The following CTBS variants were observed in gnomAD, a reference collection of about 807,000 sequenced individuals.
The protein encoded by CTBS is chitobiase, also known as di-N-acetylchitobiase.
A neutral mutation model predicts 44.3 loss-of-function variants in CTBS; 35 were observed. That is an observed-to-expected ratio of 0.79 (90% CI 0.60 to 1.05). The LOEUF (loss-of-function observed/expected upper bound fraction) is 1.05, where lower values mean the gene tolerates loss of function less well. Ranked by LOEUF, CTBS falls within the 50% of genes least tolerant of loss-of-function variation. The pLI, the probability that CTBS is intolerant of heterozygous loss-of-function variation, is 0.00. For missense variants in CTBS, 458 were observed against 475.3 expected (o/e 0.96, Z 0.34); for synonymous variants, 143 against 168.0 (o/e 0.85, Z 1.15).
rs887983059 is a variant in CTBS at position 84,551,070 on chromosome 1, G to A, written c.*3929C>T. 1 of 985,066 alleles carries A rather than the reference G, an allele frequency of 1.0e-6. No homozygotes were observed. The highest frequency in any genetic ancestry group is 1.1e-4 in the East Asian group (1 of 8,810). 61.0% of individuals were successfully genotyped at this position (985,066 alleles called of 1,614,324 possible). On this transcript the variant is annotated 3_prime_UTR_variant, in exon 7 of 7. Coordinates refer to ENST00000370630, the MANE Select transcript of CTBS (RefSeq NM_004388.3). ...AGCAGATGCTTAGTAGAGGCTTCTG[G>A]GCATGCTCTATTTGGTGAGAATTGT...
In CTBS at chr1:84,570,786, G is replaced by A. The variant is rs533718524; in HGVS notation, c.178-66C>T. ...TATTATGCTGACCGTCCAAAATACC[G>A]TTCATCAAACATCACCATACACCAA... On this transcript the variant is annotated intron_variant, in intron 1 of 6. Transcript: ENST00000370630. 107 of 1,502,210 alleles carry A rather than the reference G, an allele frequency of 7.1e-5. 1 individual carries two copies. In the South Asian group the frequency reaches 8.7e-4, roughly 12 times the overall value. 93.1% of individuals were successfully genotyped at this position (1,502,210 alleles called of 1,614,324 possible).
intron 6 of CTBS, among the ~76,000 whole-genome samples, chr1:84,558,020 G>A (rs3096444): frequency 0.018 from 2,735 of 152,228 alleles, 74 homozygotes; most frequent in African/African-American, 0.061. Context: ...GAGGCTGGGG[G>A]TGGGAAGAAT....
intron 3 of CTBS, among the ~76,000 whole-genome samples, chr1:84,568,122 T>C (rs922481749): frequency 1.5e-4 from 23 of 152,216 alleles, no homozygotes; most frequent in African/African-American, 5.3e-4. Context: ...GAACTTGACA[T>C]GTAGCCCAAA....
chr1:84,568,540 ACT>A (rs1166911582), intron 3 of CTBS, among the ~76,000 whole-genome samples: 7 of 152,156 alleles, frequency 4.6e-5, no homozygotes, highest in African/African-American at 1.7e-4. Flanking sequence ...ATGATGACCA[ACT>A]CTACCAGAAT....
rs757146444 is a variant in CTBS at position 84,550,409 on chromosome 1, T to C, written c.*4590A>G. ...AAAAATGTTTATATGTTATACTAAATAAATATCTATCTATCCACACAGAAT... is the reference window on the plus strand; with the variant it reads ...AAAAATGTTTATATGTTATACTAAACAAATATCTATCTATCCACACAGAAT... On this transcript the variant is annotated 3_prime_UTR_variant, in exon 7 of 7. Coordinates refer to ENST00000370630, the MANE Select transcript of CTBS (RefSeq NM_004388.3). The C allele has an allele frequency of 4.7e-6, 6 of 1,273,710 alleles. No individual in the cohort carries two copies. The highest frequency in any genetic ancestry group is 6.4e-6 in the Non-Finnish European group (6 of 938,098). The allele number at this position is 1,273,710 out of a possible 1,614,324, so 78.9% of individuals were successfully genotyped here.
chr1:84,571,895 G>A (rs1182410863), intron 1 of CTBS, among the ~76,000 whole-genome samples: 2 of 152,182 alleles, frequency 1.3e-5, no homozygotes, highest in Non-Finnish European at 2.9e-5. Context: ...TCTCAACTGA[G>A]GGAAGGGAAA....
At chr1:84,564,457 C>A (rs1684651630) in intron 4 of CTBS, among the ~76,000 whole-genome samples, 1 of 152,094 alleles carries the variant, frequency 6.6e-6, no homozygotes, top group Middle Eastern at 3.4e-3. Flanking sequence ...TTTTTAGAGC[C>A]TTTAATGTTA....
intron 4 of CTBS, among the ~76,000 whole-genome samples, chr1:84,564,831 C>T (rs911736401): frequency 6.6e-6 from 1 of 152,050 alleles, no homozygotes; most frequent in Middle Eastern, 3.4e-3. Context: ...GGATCACTTG[C>T]GGCCAGCCTG....
At position 84,574,392 on chromosome 1, in the gene CTBS, G is replaced by A. The variant is rs1329158546; in HGVS notation, c.24C>T (p.Arg8=). The A allele has an allele frequency of 1.3e-6, 2 of 1,558,510 alleles. No homozygotes were observed. Among genetic ancestry groups the A allele is most frequent in the South Asian group, 2.3e-5 (2 of 85,306 alleles). The change falls in exon 1 of 7, where the codon CGC becomes CGT. Residue 8 remains arginine, a synonymous_variant. Coordinates refer to ENST00000370630, the MANE Select transcript of CTBS (RefSeq NM_004388.3). ...TCGGCGGGCTAGAGACGAGGCGCCA[G>A]CGTCGAAGCTGCGGCCGGGACATAG... is the stretch of plus-strand genomic sequence containing the variant. MSRPQLR[R]WRLVSSPPSG... is the part of the protein sequence containing the mutation.
chr1:84,550,541 T>G lies in CTBS; in HGVS notation c.*4458A>C. Reference sequence around the variant, plus strand: ...ATAGTAGAAGTTAAGGTAATTTACATTTTTCCTAATCAGATTATTATAACA... The same window carrying G: ...ATAGTAGAAGTTAAGGTAATTTACAGTTTTCCTAATCAGATTATTATAACA... On this transcript the variant is annotated 3_prime_UTR_variant, in exon 7 of 7. Coordinates refer to ENST00000370630, the MANE Select transcript of CTBS (RefSeq NM_004388.3). The G allele has an allele frequency of 6.6e-7, 1 of 1,506,614 alleles. No individual in the cohort carries two copies. The highest frequency in any genetic ancestry group is 8.9e-7 in the Non-Finnish European group (1 of 1,125,072). The allele number at this position is 1,506,614 out of a possible 1,614,324, so 93.3% of individuals were successfully genotyped here.
Position 84,551,364 on chromosome 1 carries a change from A to C in CTBS, c.*3635T>G. On this transcript the variant is annotated 3_prime_UTR_variant, in exon 7 of 7. Transcript: ENST00000370630. ...TCAGTACTGTCCTCGGTTTCAGATA[A>C]AAATAAAAATAAATAAAATTTAAAA... The C allele has an allele frequency of 1.3e-6, 1 of 771,236 alleles. No individual in the cohort carries two copies. 47.8% of individuals were successfully genotyped at this position (771,236 alleles called of 1,614,324 possible). A position where few individuals can be genotyped will look rare whatever the true frequency, so the allele number is the denominator to read the frequency against.
In CTBS at chr1:84,574,293, G is replaced by A. The variant is rs984571218; in HGVS notation, c.123C>T (p.Cys41=). The A allele has an allele frequency of 2.5e-6, 4 of 1,578,084 alleles. No individual in the cohort carries two copies. Among genetic ancestry groups the A allele is most frequent in the Non-Finnish European group, 3.4e-6 (4 of 1,165,594 alleles). The change falls in exon 1 of 7, where the codon TGC becomes TGT. Residue 41 remains cysteine, a synonymous_variant. Coordinates refer to ENST00000370630, the MANE Select transcript of CTBS (RefSeq NM_004388.3). ...GGCAGAGCTCAGGCTCCGGGCATGG[G>A]CAGTCGGTCCCGGCCGCGAGCCGCA... The part of the protein sequence containing the change: ...LALRLAAGTD[C]PCPEPELCRP...
In CTBS at chr1:84,563,403, T is replaced by C. The variant is rs369074009; in HGVS notation, c.811A>G (p.Ile271Val). 8 of 1,570,598 alleles carry C rather than the reference T, an allele frequency of 5.1e-6. No homozygotes were observed. In the African/African-American group the frequency reaches 9.7e-5, roughly 19 times the overall value. Residue 271 changes from isoleucine (I) to valine (V), a missense_variant, in exon 6 of 7, where the codon ATT becomes GTT. Ile to Val is a conservative substitution (Grantham distance 29). Coordinates refer to ENST00000370630, the MANE Select transcript of CTBS (RefSeq NM_004388.3). The part of the protein sequence containing the change: ...LNLSEDHVCT[I>V]AKVPFRGAPC... ...GCCCCCCGGAAAGGGACTTTTGCAA[T>C]GGTACAAACATGATCCTAGAAATGC...
At chr1:84,566,096 A>G in intron 3 of CTBS, 84 bp from the exon 4 acceptor site, 1 of 754,306 alleles carries the variant, frequency 1.3e-6, no homozygotes. Context: ...TATATTTTTT[A>G]CCTTATACTA....
chr1:84,562,220 A>T (rs1684608507), intron 6 of CTBS, among the ~76,000 whole-genome samples: 1 of 152,192 alleles, frequency 6.6e-6, no homozygotes, highest in Non-Finnish European at 1.5e-5. Flanking sequence ...ATATTTGGCC[A>T]TGGCACACGT....
At chr1:84,564,049 A>G (rs1570472187) in intron 4 of CTBS, 1 of 173,148 alleles carries the variant, frequency 5.8e-6, no homozygotes, top group East Asian at 1.9e-4. Flanking sequence ...AACATTCAAA[A>G]CAATTAAGAT....
At position 84,553,698 on chromosome 1, in the gene CTBS, G is replaced by C. The variant is rs1448254413; in HGVS notation, c.*1301C>G. The C allele has an allele frequency of 6.6e-6, 1 of 152,082 alleles. No homozygotes were observed. The highest frequency in any genetic ancestry group is 1.5e-5 in the Non-Finnish European group (1 of 68,000). The allele number at this position is 152,082 out of a possible 1,614,324, so 9.4% of individuals were successfully genotyped here. On this transcript the variant is annotated 3_prime_UTR_variant, in exon 7 of 7. Transcript: ENST00000370630. ...ATACTATGAAAATGGTTTTTACTCT[G>C]TCACAAACAATTGTGTAAATAGGAA...
Position 84,565,993 on chromosome 1 carries a change from C to A in CTBS, c.545G>T (p.Trp182Leu). The A allele has an allele frequency of 1.3e-6, 2 of 1,551,574 alleles. No homozygotes were observed. Among genetic ancestry groups the A allele is most frequent in the South Asian group, 1.3e-5 (1 of 78,482 alleles). Residue 182 changes from tryptophan (W) to leucine (L), a missense_variant, in exon 4 of 7, where the codon TGG (tryptophan) becomes TTG (leucine). Transcript: ENST00000370630. ...EGSQVTFDVAWSPKNIDRRCY... is the reference protein window; with the variant it reads ...EGSQVTFDVALSPKNIDRRCY... ...TCTTCTGTCTATGTTCTTTGGAGAC[C>A]AAGCTACATCAAAGGTTACCTGTGG...
At chr1:84,567,426 T>C (rs984928119) in intron 3 of CTBS, among the ~76,000 whole-genome samples, 7 of 152,204 alleles carry the variant, frequency 4.6e-5, no homozygotes, top group Admixed American at 4.6e-4. Context: ...TCACAGTTAA[T>C]CTCATATTTT....
Sources: allele counts gnomAD v4.1 joint callset (sites outside exome capture counted in the v4.1 genomes callset), GRCh38; gene constraint gnomAD v4.1.1; transcripts MANE v1.5; gene names NCBI Gene and HGNC (gene_info 2026-07-23, HGNC 2026-07-21).